GPR107: variants seen among roughly 807,000 people sequenced by gnomAD.
GPR107 encodes protein GPR107.
In GPR107, 31 loss-of-function variants were observed where a neutral mutation model predicts 75.5. The ratio of observed to expected loss-of-function variants is 0.41; its 90% confidence interval spans 0.31 to 0.55. The LOEUF is 0.55. Ranked by LOEUF, GPR107 falls within the 20% of genes least tolerant of loss-of-function variation. The probability of loss-of-function intolerance (pLI) is 0.26; values close to 1 mark genes in which losing one functional copy is unlikely to be tolerated. For synonymous variants in GPR107, 267 were observed against 251.3 expected, an observed-to-expected ratio of 1.06 and a Z score of -0.59; for missense variants, 572 against 665.7, an observed-to-expected ratio of 0.86 and a Z score of 1.55.
intron 4 of GPR107, among the ~76,000 whole-genome samples, 169 bp downstream of exon 4, chr9:130,077,547 A>G (rs969840055): frequency 6.6e-6 from 1 of 152,228 alleles, no homozygotes; most frequent in East Asian, 1.9e-4. Context: ...TGGGAGAGAC[A>G]GAACGGAAAT....
chr9:130,114,692 A>G, intron 14 of GPR107: 4 of 1,048,338 alleles, frequency 3.8e-6, no homozygotes, highest in East Asian at 1.0e-4. Context: ...ATCCTGTTTT[A>G]CTTTCTGATC....
chr9:130,060,719 A>G (rs540608881), intron 1 of GPR107, among the ~76,000 whole-genome samples: 11 of 152,302 alleles, frequency 7.2e-5, no homozygotes, highest in Middle Eastern at 3.4e-3. Context: ...GTGCTTTGCT[A>G]AAGCCTCAGA....
intron 6 of GPR107, among the ~76,000 whole-genome samples, chr9:130,084,355 G>A (rs1020803402): frequency 4.7e-4 from 71 of 151,068 alleles, no homozygotes; most frequent in Non-Finnish European, 7.4e-4. Context: ...CCAAGATCGC[G>A]CTACTGCACT....
At chr9:130,125,714 A>G (rs1831660796) in intron 15 of GPR107, among the ~76,000 whole-genome samples, 1 of 147,606 alleles carries the variant, frequency 6.8e-6, no homozygotes, top group African/African-American at 2.5e-5. Flanking sequence ...TCACACTGTC[A>G]TGTTCTTCTG....
intron 1 of GPR107, among the ~76,000 whole-genome samples, chr9:130,064,185 CTTTT>C (rs1045833413): frequency 4.4e-4 from 36 of 82,572 alleles, no homozygotes; most frequent in Admixed American, 8.9e-4. Context: ...AATAGCTTTT[CTTTT>C]TTTTTTTTTT....
At chr9:130,072,344 C>T (rs1184221738) in intron 1 of GPR107, among the ~76,000 whole-genome samples, 2 of 151,924 alleles carry the variant, frequency 1.3e-5, no homozygotes, top group Admixed American at 6.6e-5. Context: ...CTCAGCCTCC[C>T]GAGTAGCTGG....
chr9:130,134,741 T>C (rs1392101458), intron 17 of GPR107, among the ~76,000 whole-genome samples: 1 of 152,252 alleles, frequency 6.6e-6, no homozygotes, highest in African/African-American at 2.4e-5. Flanking sequence ...AGATTCATGA[T>C]GATTGTGATA....
In GPR107 at chr9:130,084,047, C is replaced by CATATATATATATATATATATAT. The variant is rs139002438; in HGVS notation, c.564+446_564+467dup. On this transcript the variant is annotated intron_variant, in intron 6 of 17. Coordinates refer to ENST00000347136, the MANE Select transcript of GPR107 (RefSeq NM_020960.5). ...TGGAACCTGCAATACAGAGAGCTAA[C>CATATATATATATATATATATAT]ATATATATATATATATATATATGTA... 1.1e-3 allele frequency among the ~76,000 whole-genome samples: 150 copies of CATATATATATATATATATATAT among 130,880 alleles called. 2 individuals are homozygous for CATATATATATATATATATATAT. The highest frequency in any genetic ancestry group is 1.7e-3 in the African/African-American group (59 of 35,744). The allele number at this position is 130,880 out of a possible 152,430, so 85.9% of individuals were successfully genotyped here.
intron 14 of GPR107, among the ~76,000 whole-genome samples, chr9:130,120,258 G>A (rs937341312): frequency 3.9e-5 from 6 of 152,200 alleles, no homozygotes. Flanking sequence ...TGTGGGGCGC[G>A]CAGGCTCATT....
chr9:130,085,776 G>T (rs577449118), intron 6 of GPR107, among the ~76,000 whole-genome samples: 1 of 23,468 alleles, frequency 4.3e-5, no homozygotes, highest in Non-Finnish European at 8.0e-5. Flanking sequence ...TTTTTTGCCG[G>T]GGGGAACGCA....
intron 1 of GPR107, among the ~76,000 whole-genome samples, chr9:130,056,804 G>C (rs1236041502): frequency 6.7e-6 from 1 of 150,238 alleles, no homozygotes; most frequent in Non-Finnish European, 1.5e-5. Context: ...AGGTGCCGGT[G>C]GTCTCAGCTA....
Position 130,115,762 on chromosome 9 carries a change from CAAAAAAAAAAAA to C in GPR107, c.1306+8235_1306+8246del, listed in dbSNP as rs765306078. On this transcript the variant is annotated intron_variant, in intron 14 of 17. Coordinates refer to ENST00000347136, the MANE Select transcript of GPR107 (RefSeq NM_020960.5). The stretch of plus-strand genomic sequence containing the variant: ...TGGGCGACAGAGCAAGACTCCGTCT[CAAAAAAAAAAAA>C]AAAAAAAAAAATTAGCCAGCCGTGA... Among the ~76,000 whole-genome samples, 3 of 90,180 alleles carry C rather than the reference CAAAAAAAAAAAA, an allele frequency of 3.3e-5. No individual in the cohort carries two copies. In the Admixed American group the frequency reaches 3.8e-4, roughly 11 times the overall value. The allele number at this position is 90,180 out of a possible 152,430, so 59.2% of individuals were successfully genotyped here. A position where few individuals can be genotyped will look rare whatever the true frequency, so the allele number is the denominator to read the frequency against.
At chr9:130,097,151 T>C (rs10819599) in intron 9 of GPR107, among the ~76,000 whole-genome samples, 32,927 of 99,260 alleles carry the variant, frequency 0.33, 3,988 homozygotes, top group Non-Finnish European at 0.38. Context: ...CTTTTCTTTT[T>C]TTTCTTTTTT....
In GPR107 at chr9:130,136,531, T is replaced by A. The variant is rs1219660190; in HGVS notation, c.*1410T>A. On this transcript the variant is annotated 3_prime_UTR_variant, in exon 18 of 18. Coordinates refer to ENST00000347136, the MANE Select transcript of GPR107 (RefSeq NM_020960.5). ...CCACACCTGCAGGGGAACAGGTACC[T>A]CCGAGGGTGAGAGTCGTGGTCTCTG... 6.6e-6 allele frequency: 1 copy of A among 152,088 alleles called. No homozygotes were observed. Among genetic ancestry groups the A allele is most frequent in the African/African-American group, 2.4e-5 (1 of 41,404 alleles). 9.4% of individuals were successfully genotyped at this position (152,088 alleles called of 1,614,324 possible). A position where few individuals can be genotyped will look rare whatever the true frequency, so the allele number is the denominator to read the frequency against.
At chr9:130,094,720 G>A (rs865862767) in intron 9 of GPR107, among the ~76,000 whole-genome samples, 13 of 150,794 alleles carry the variant, frequency 8.6e-5, no homozygotes, top group Non-Finnish European at 1.6e-4. Flanking sequence ...TCGCTCTGTC[G>A]CCCAGGCTGG....
At chr9:130,089,003 A>C (rs899679771) in intron 7 of GPR107, among the ~76,000 whole-genome samples, 8 of 151,884 alleles carry the variant, frequency 5.3e-5, no homozygotes, top group Non-Finnish European at 1.0e-4. Context: ...AAAATAAATA[A>C]ATAAATACAA....
intron 1 of GPR107, 73 bp downstream of exon 1, chr9:130,054,146 C>G: frequency 7.3e-7 from 1 of 1,368,660 alleles, no homozygotes; most frequent in South Asian, 1.4e-5. Flanking sequence ...AACTTTGGCC[C>G]ATTGGGGACC....
chr9:130,066,981 G>A (rs904745456), intron 1 of GPR107, among the ~76,000 whole-genome samples: 3 of 150,400 alleles, frequency 2.0e-5, no homozygotes, highest in East Asian at 1.9e-4. Flanking sequence ...GCGAGACTCC[G>A]TCTCCAAAAA....
rs1220133558 is a variant in GPR107 at position 130,075,695 on chromosome 9, G to A, written c.201G>A (p.Met67Ile). ...TTGGCTTCTTCAAGGATGGGTACAT[G>A]GTGGTGAATGTCAGTAGCCTCTCAC... ...NTFGFFKDGY[M>I]VVNVSSLSLN... is the part of the protein sequence containing the mutation. Residue 67 changes from methionine to isoleucine, a missense_variant, in exon 2 of 18, where the codon ATG becomes ATA. By Grantham distance (10) the Met-to-Ile change is conservative. Transcript: ENST00000347136. 1 of 1,609,170 alleles carries A rather than the reference G, an allele frequency of 6.2e-7. No homozygotes were observed. The highest frequency in any genetic ancestry group is 1.3e-5 in the African/African-American group (1 of 74,830).
Sources: allele counts gnomAD v4.1 joint callset (sites outside exome capture counted in the v4.1 genomes callset), GRCh38; gene constraint gnomAD v4.1.1; transcripts MANE v1.5; gene names NCBI Gene and HGNC (gene_info 2026-07-23, HGNC 2026-07-21).